The following TBC1D5 variants were observed in gnomAD, a reference collection of about 807,000 sequenced individuals.
TBC1D5 encodes TBC1 domain family member 5.
A neutral mutation model predicts 100.3 loss-of-function variants in TBC1D5; 75 were observed. That is an observed-to-expected ratio of 0.75 (90% CI 0.62 to 0.91). TBC1D5 has a LOEUF of 0.91. Ranked by LOEUF, TBC1D5 falls within the 40% of genes least tolerant of loss-of-function variation. TBC1D5 has a pLI of 0.00. For synonymous variants in TBC1D5, 323 were observed against 325.6 expected (o/e 0.99, Z 0.09); for missense variants, 910 against 942.4 (o/e 0.97, Z 0.45).
At chr3:17,687,159 T>TGAAAAAA (rs2070408859) in intron 1 of TBC1D5, among the ~76,000 whole-genome samples, 1 of 152,146 alleles carries the variant, frequency 6.6e-6, no homozygotes, top group Admixed American at 6.5e-5. Context: ...CAAATATGTA[T>TGAAAAAA]TCTTCACTTA....
intron 2 of TBC1D5, among the ~76,000 whole-genome samples, chr3:17,558,965 CAT>C (rs1177947284): frequency 6.6e-6 from 1 of 152,138 alleles, no homozygotes. Flanking sequence ...TTCTAAATCA[CAT>C]GTTTAACCAC....
intron 2 of TBC1D5, among the ~76,000 whole-genome samples, chr3:17,512,541 G>C (rs571651892): frequency 4.9e-4 from 75 of 152,036 alleles, no homozygotes; most frequent in Non-Finnish European, 8.8e-4. Flanking sequence ...ATAGATTTTA[G>C]TTCTCTTCAA....
chr3:17,236,478 T>C (rs916760726), intron 17 of TBC1D5, among the ~76,000 whole-genome samples: 2 of 151,948 alleles, frequency 1.3e-5, no homozygotes, highest in Admixed American at 1.3e-4. Flanking sequence ...AATAATGTAA[T>C]TTTCAACGAG....
intron 1 of TBC1D5, among the ~76,000 whole-genome samples, chr3:17,631,650 A>G (rs571819517): frequency 6.6e-6 from 1 of 152,370 alleles, no homozygotes; most frequent in African/African-American, 2.4e-5. Flanking sequence ...GTGACTTTAA[A>G]GCCAATGTTC....
At position 17,283,166 on chromosome 3, in the gene TBC1D5, T is replaced by G. The variant is rs572537613; in HGVS notation, c.1245+8729A>C. ...TTAAGTCTGAATTGATTATTCTTTCTGCAGTGGTGTCTGTTGAACCAAACT... is the reference window on the plus strand; with the variant it reads ...TTAAGTCTGAATTGATTATTCTTTCGGCAGTGGTGTCTGTTGAACCAAACT... On this transcript the variant is annotated intron_variant, in intron 15 of 21. Coordinates refer to ENST00000253692, the Ensembl canonical transcript of TBC1D5. 2.0e-5 allele frequency among the ~76,000 whole-genome samples: 3 copies of G among 152,382 alleles called. No individual in the cohort carries two copies. The East Asian group carries it at 5.8e-4, about 29-fold the overall frequency.
intron 13 of TBC1D5, among the ~76,000 whole-genome samples, chr3:17,368,507 A>G (rs1039531625): frequency 6.6e-6 from 1 of 152,054 alleles, no homozygotes; most frequent in Admixed American, 6.5e-5. Flanking sequence ...CTAAAAGTAG[A>G]AATTGGACTC....
chr3:17,287,484 T>C (rs1217023526), intron 15 of TBC1D5, among the ~76,000 whole-genome samples: 2 of 152,150 alleles, frequency 1.3e-5, no homozygotes, highest in Non-Finnish European at 2.9e-5. Context: ...AATGAATAGA[T>C]AGAACAGTCA....
chr3:17,416,886 A>G (rs6767839), intron 4 of TBC1D5, among the ~76,000 whole-genome samples: 9,237 of 152,250 alleles, frequency 0.061, 550 homozygotes, highest in African/African-American at 0.15. Flanking sequence ...GATTTGGATC[A>G]CGAACGTAAT....
At position 17,561,575 on chromosome 3, in the gene TBC1D5, T is replaced by C. The variant is rs571375978; in HGVS notation, c.-35-52970A>G. The stretch of plus-strand genomic sequence containing the variant: ...TGGAAGGCGAAAAAACATAAAGTAT[T>C]GTTAGTAACAGCAAGAAAAATAATA... On this transcript the variant is annotated intron_variant, in intron 2 of 21. Transcript: ENST00000253692. Among the ~76,000 whole-genome samples, 163 of 152,268 alleles carry C rather than the reference T, an allele frequency of 1.1e-3. 1 individual carries two copies. The highest frequency in any genetic ancestry group is 3.8e-3 in the African/African-American group (158 of 41,568).
At chr3:17,301,976 A>G (rs905447815) in intron 14 of TBC1D5, among the ~76,000 whole-genome samples, 3 of 152,338 alleles carry the variant, frequency 2.0e-5, no homozygotes, top group Middle Eastern at 6.8e-3. Context: ...TTTAATCCAT[A>G]TAATTCAGCA....
chr3:17,461,818 C>T (rs1452808530), intron 3 of TBC1D5, among the ~76,000 whole-genome samples: 1 of 152,164 alleles, frequency 6.6e-6, no homozygotes, highest in Admixed American at 6.5e-5. Flanking sequence ...GCACCCACCA[C>T]CTTATTTTAT....
chr3:17,453,099 A>G (rs576957077), intron 3 of TBC1D5, among the ~76,000 whole-genome samples: 3 of 151,402 alleles, frequency 2.0e-5, no homozygotes, highest in Non-Finnish European at 4.4e-5. Flanking sequence ...AAAAAAAAGA[A>G]AAGTGTCTTG....
At chr3:17,452,770 C>A (rs538006099) in intron 3 of TBC1D5, among the ~76,000 whole-genome samples, 2 of 151,894 alleles carry the variant, frequency 1.3e-5, no homozygotes, top group Admixed American at 1.3e-4. Flanking sequence ...ACAAAGAAAT[C>A]AAAAAAGAAA....
intron 13 of TBC1D5, among the ~76,000 whole-genome samples, chr3:17,323,749 T>A (rs1445232010): frequency 6.6e-6 from 1 of 152,214 alleles, no homozygotes; most frequent in Non-Finnish European, 1.5e-5. Flanking sequence ...GATTTCTATT[T>A]TCCTAAAACT....
chr3:17,735,309 TGGGGC>T (rs2076877059), intron 1 of TBC1D5, among the ~76,000 whole-genome samples: 1 of 152,202 alleles, frequency 6.6e-6, no homozygotes, highest in African/African-American at 2.4e-5. Context: ...TGAAATAGTA[TGGGGC>T]CACTAAAAGT....
chr3:17,667,625 T>C (rs972404119), intron 1 of TBC1D5, among the ~76,000 whole-genome samples: 2 of 152,022 alleles, frequency 1.3e-5, no homozygotes, highest in Non-Finnish European at 2.9e-5. Flanking sequence ...CTAATTTTTG[T>C]ATTTTTTGTA....
intron 2 of TBC1D5, among the ~76,000 whole-genome samples, chr3:17,570,432 A>G (rs550826288): frequency 6.6e-6 from 1 of 152,038 alleles, no homozygotes; most frequent in South Asian, 2.1e-4. Context: ...TATAACTCAG[A>G]TCTCTAACTA....
intron 16 of TBC1D5, among the ~76,000 whole-genome samples, chr3:17,252,583 T>C (rs2077266835): frequency 6.6e-6 from 1 of 152,206 alleles, no homozygotes; most frequent in Non-Finnish European, 1.5e-5. Context: ...AGCAGGATTC[T>C]ATGTGTCTGT....
chr3:17,488,810 T>C (rs1017629002), intron 3 of TBC1D5, among the ~76,000 whole-genome samples: 5 of 151,896 alleles, frequency 3.3e-5, no homozygotes, highest in South Asian at 2.1e-4. Flanking sequence ...GGCCACACAA[T>C]AGGAAGTGAG....
Sources: gnomAD v4.1 joint callset for allele counts (sites outside exome capture counted in the v4.1 genomes callset) on GRCh38, gnomAD v4.1.1 for gene constraint, MANE v1.5 for transcripts, NCBI Gene and HGNC (gene_info 2026-07-23, HGNC 2026-07-21) for gene names.